The following DPYD variants were observed in gnomAD, a reference collection of about 807,000 sequenced individuals.
DPYD encodes dihydropyrimidine dehydrogenase.
Under a neutral mutation model 116.2 loss-of-function variants are expected in DPYD, and 109 were observed. That is an observed-to-expected ratio of 0.94 (90% CI 0.80 to 1.10). The LOEUF (loss-of-function observed/expected upper bound fraction) is 1.10. Among genes scored for constraint, DPYD ranks in the 50% least tolerant of loss-of-function variants. DPYD has a pLI of 0.00. For missense variants in DPYD, 1,302 were observed against 1,254.5 expected, an observed-to-expected ratio of 1.04 and a Z score of -0.57; for synonymous variants, 440 against 432.0, an observed-to-expected ratio of 1.02 and a Z score of -0.23.
chr1:97,665,234 CAAT>C (rs1659494116), intron 8 of DPYD, among the ~76,000 whole-genome samples: 1 of 151,964 alleles, frequency 6.6e-6, no homozygotes, highest in African/African-American at 2.4e-5. Context: ...CACAAAATCC[CAAT>C]AATGTATTTA....
At chr1:97,359,601 A>C (rs1230844693) in intron 16 of DPYD, among the ~76,000 whole-genome samples, 1 of 152,244 alleles carries the variant, frequency 6.6e-6, no homozygotes, top group African/African-American at 2.4e-5. Context: ...TCAGACTAAC[A>C]GTGGATCTCT....
chr1:97,380,156 A>G (rs1671865321), intron 15 of DPYD, among the ~76,000 whole-genome samples: 3 of 152,236 alleles, frequency 2.0e-5, no homozygotes, highest in Admixed American at 2.0e-4. Flanking sequence ...TCCATTTACA[A>G]GTGAATATTG....
chr1:97,585,309 A>T (rs1654017414), intron 10 of DPYD, among the ~76,000 whole-genome samples: 1 of 152,194 alleles, frequency 6.6e-6, no homozygotes, highest in South Asian at 2.1e-4. Context: ...CAGAAAAGAG[A>T]AATTAAATTG....
intron 13 of DPYD, among the ~76,000 whole-genome samples, chr1:97,493,212 A>C: frequency 6.6e-6 from 1 of 152,316 alleles, no homozygotes; most frequent in Middle Eastern, 3.4e-3. Flanking sequence ...ATGTAATACC[A>C]AGTAGGCTGT....
intron 3 of DPYD, among the ~76,000 whole-genome samples, chr1:97,757,934 G>T (rs182614112): frequency 6.6e-6 from 1 of 152,060 alleles, no homozygotes; most frequent in Non-Finnish European, 1.5e-5. Flanking sequence ...GCAGCTTGGC[G>T]CTAACCATTT....
intron 16 of DPYD, among the ~76,000 whole-genome samples, chr1:97,369,434 C>G (rs903328473): frequency 3.3e-5 from 5 of 152,150 alleles, no homozygotes; most frequent in Non-Finnish European, 5.9e-5. Flanking sequence ...TGATACTTAA[C>G]ATTGATATTG....
intron 18 of DPYD, among the ~76,000 whole-genome samples, chr1:97,265,678 G>A (rs1339803207): frequency 6.6e-6 from 1 of 152,154 alleles, no homozygotes; most frequent in Non-Finnish European, 1.5e-5. Flanking sequence ...TTATTATGTA[G>A]TGTATAGTTT....
intron 8 of DPYD, among the ~76,000 whole-genome samples, chr1:97,675,400 T>C (rs1424969855): frequency 2.0e-5 from 3 of 152,190 alleles, no homozygotes; most frequent in African/African-American, 7.2e-5. Context: ...CATAGGGCTT[T>C]ATCTCAGTAC....
chr1:97,450,301 T>A, intron 13 of DPYD, 78 bp from the exon 14 acceptor site: 1 of 1,505,492 alleles, frequency 6.6e-7, no homozygotes, highest in Non-Finnish European at 9.0e-7. Context: ...CATTTCCATA[T>A]GACAATATTT....
At chr1:97,506,469 G>A (rs1647338191) in intron 13 of DPYD, among the ~76,000 whole-genome samples, 2 of 151,820 alleles carry the variant, frequency 1.3e-5, no homozygotes, top group Admixed American at 1.3e-4. Flanking sequence ...CAGCAGGACT[G>A]TACTTTAAGG....
intron 20 of DPYD, among the ~76,000 whole-genome samples, chr1:97,164,561 T>A (rs980311041): frequency 2.0e-5 from 3 of 152,148 alleles, no homozygotes; most frequent in African/African-American, 7.2e-5. Context: ...CTTCAGCTGA[T>A]AAACCTCTTC....
chr1:97,695,755 T>C (rs1661263284), intron 6 of DPYD, among the ~76,000 whole-genome samples: 1 of 151,868 alleles, frequency 6.6e-6, no homozygotes, highest in South Asian at 2.1e-4. Context: ...AGAATCAGAT[T>C]TGAAACTAAA....
At chr1:97,724,255 A>T (rs1002094779) in intron 4 of DPYD, among the ~76,000 whole-genome samples, 2 of 145,578 alleles carry the variant, frequency 1.4e-5, no homozygotes, top group African/African-American at 5.1e-5. Flanking sequence ...TCAAGGAGTC[A>T]AAAGTTCTCC....
intron 14 of DPYD, among the ~76,000 whole-genome samples, chr1:97,441,438 T>C (rs1022883384): frequency 5.3e-5 from 8 of 152,082 alleles, no homozygotes; most frequent in African/African-American, 1.7e-4. Flanking sequence ...ATAGCTTTTA[T>C]TGTTATATTT....
intron 12 of DPYD, among the ~76,000 whole-genome samples, chr1:97,521,989 T>C (rs927292855): frequency 2.6e-5 from 4 of 152,130 alleles, no homozygotes; most frequent in African/African-American, 7.2e-5. Flanking sequence ...CCTCAGGACA[T>C]AGGCATGGGC....
intron 20 of DPYD, among the ~76,000 whole-genome samples, chr1:97,189,172 G>A (rs571278997): frequency 6.6e-6 from 1 of 152,298 alleles, no homozygotes; most frequent in East Asian, 1.9e-4. Context: ...TAAGAAAAGT[G>A]AGGTTATTTT....
In DPYD at chr1:97,515,782, T is replaced by G. The variant is rs761869860; in HGVS notation, c.1684A>C (p.Arg562=). 1.1e-5 allele frequency: 17 copies of G among 1,612,794 alleles called. No individual in the cohort carries two copies. The highest frequency in any genetic ancestry group is 1.6e-4 in the Middle Eastern group (1 of 6,076). ...TPATSTSMIR[R]AFEAGWGFAL... ...AAACCCCATCCAGCTTCAAAAGCTC[T>G]TCGAATCATTGATGTGCTGGTGGCT... is the stretch of plus-strand genomic sequence containing the variant. The change falls in exon 13 of 23, where the codon AGA becomes CGA. Residue 562 remains arginine (R), a synonymous_variant. Coordinates refer to ENST00000370192, the MANE Select transcript of DPYD (RefSeq NM_000110.4).
chr1:97,847,076 A>G (rs1190600467), intron 2 of DPYD, among the ~76,000 whole-genome samples: 1 of 152,210 alleles, frequency 6.6e-6, no homozygotes, highest in Non-Finnish European at 1.5e-5. Context: ...TTTCCAACGG[A>G]TTGCCATGAA....
chr1:97,319,549 G>A (rs1668102607), intron 16 of DPYD, among the ~76,000 whole-genome samples: 2 of 140,544 alleles, frequency 1.4e-5, no homozygotes, highest in South Asian at 5.0e-4. Flanking sequence ...TTGAATCTCT[G>A]AATAGACCAA....
Sources: gnomAD v4.1 joint callset for allele counts (sites outside exome capture counted in the v4.1 genomes callset) on GRCh38, gnomAD v4.1.1 for gene constraint, MANE v1.5 for transcripts, NCBI Gene and HGNC (gene_info 2026-07-23, HGNC 2026-07-21) for gene names.